Variants in UNC13C observed in about 807,000 individuals in gnomAD.
UNC13C encodes protein unc-13 homolog C.
In UNC13C, 174 loss-of-function variants were observed where a neutral mutation model predicts 245.4. The observed-to-expected ratio is 0.71, with a 90% CI of 0.63 to 0.80. UNC13C has a LOEUF of 0.80. Ranked by LOEUF, UNC13C falls within the 30% of genes least tolerant of loss-of-function variation. The pLI, the probability that UNC13C is intolerant of heterozygous loss-of-function variation, is 0.00. For synonymous variants in UNC13C, 992 were observed against 895.1 expected (o/e 1.11, Z -1.93); for missense variants, 2,829 against 2,602.9 (o/e 1.09, Z -1.89).
chr15:53,884,755 C>T, the UNC13C span, among the ~76,000 whole-genome samples: 1 of 152,118 alleles, frequency 6.6e-6, no homozygotes. Flanking sequence ...CTTGGACTTA[C>T]TCTTTTGGAA....
Position 54,333,797 on chromosome 15 carries a change from C to T in UNC13C, c.4525C>T (p.Leu1509=). Residue 1509 remains leucine, a synonymous_variant, in exon 16 of 33, where the codon CTG becomes TTG. Coordinates refer to ENST00000260323, the MANE Select transcript of UNC13C (RefSeq NM_001080534.3). ...ENFPASNTER[L]QDLKSTVDLL... is the part of the protein sequence containing the mutation. ...CTTTCCTGCAAGCAATACTGAAAGA[C>T]TGCAAGACCTGAAATCAACTGTTGA... 6.2e-7 allele frequency: 1 copy of T among 1,606,644 alleles called. No individual in the cohort carries two copies. Among genetic ancestry groups the T allele is most frequent in the Non-Finnish European group, 8.5e-7 (1 of 1,176,076 alleles).
downstream of UNC13C, chr15:54,633,242 T>A (rs1596722316): frequency 6.6e-6 from 1 of 152,220 alleles, no homozygotes; most frequent in East Asian, 1.9e-4. Flanking sequence ...AAACAACCGA[T>A]GTCTTAACAA....
At chr15:54,610,504 A>G (rs1900028817) in intron 30 of UNC13C, among the ~76,000 whole-genome samples, 1 of 152,088 alleles carries the variant, frequency 6.6e-6, no homozygotes, top group Non-Finnish European at 1.5e-5. Context: ...TGTTAGTCAT[A>G]TGTGTCTTTG....
chr15:54,552,111 G>A (rs1456225151), intron 28 of UNC13C, among the ~76,000 whole-genome samples: 3 of 149,630 alleles, frequency 2.0e-5, no homozygotes, highest in African/African-American at 4.9e-5. Context: ...GAAACAATGT[G>A]GGGAACTAAT....
At chr15:54,507,036 G>A in intron 22 of UNC13C, 81 bp from the exon 23 acceptor site, 1 of 882,492 alleles carries the variant, frequency 1.1e-6, no homozygotes, top group Non-Finnish European at 1.7e-6. Flanking sequence ...ACAGCAAGAA[G>A]TTAACTTAGG....
In UNC13C at chr15:54,500,912, A is replaced by C; in HGVS notation, c.5235A>C (p.Glu1745Asp). Residue 1745 changes from glutamate to aspartate, a missense_variant, in exon 22 of 33, where the codon GAA (glutamate) becomes GAC (aspartate). Transcript: ENST00000260323. The stretch of plus-strand genomic sequence containing the variant: ...TTGCTCAGCTGAATCAGAGCTTTGA[A>C]ATTATTAAGAAACTGGAATGCCCTA... ...DVFAQLNQSF[E>D]IIKKLECPNP... is the part of the protein sequence containing the mutation. 1.9e-6 allele frequency: 3 copies of C among 1,613,080 alleles called. No individual in the cohort carries two copies. Among genetic ancestry groups the C allele is most frequent in the Non-Finnish European group, 2.5e-6 (3 of 1,179,316 alleles).
At position 54,181,444 on chromosome 15, in the gene UNC13C, C is replaced by T. The variant is rs34650653; in HGVS notation, c.3071+37760C>T. Among the ~76,000 whole-genome samples the T allele has an allele frequency of 1.1e-4, 16 of 151,668 alleles. No individual in the cohort carries two copies. The East Asian group carries it at 3.1e-3, about 29-fold the overall frequency. ...AAGGCAGGTAGTATAATGGCTGTGG[C>T]TCTGTTTTTTGTTTGTTTGTTTTGT... On this transcript the variant is annotated intron_variant, in intron 4 of 32. Transcript: ENST00000260323.
At chr15:54,186,209 T>A (rs2033977775) in intron 4 of UNC13C, among the ~76,000 whole-genome samples, 2 of 152,158 alleles carry the variant, frequency 1.3e-5, no homozygotes, top group African/African-American at 2.4e-5. Context: ...AATCATGTCA[T>A]CTGCAAACAG....
At chr15:53,877,596 TA>T in the UNC13C span, among the ~76,000 whole-genome samples, 2 of 150,210 alleles carry the variant, frequency 1.3e-5, no homozygotes, top group African/African-American at 4.9e-5. Context: ...AGAAGGAGAA[TA>T]GGGAGGAGGA....
intron 4 of UNC13C, among the ~76,000 whole-genome samples, chr15:54,179,501 T>C (rs2033726481): frequency 6.6e-6 from 1 of 152,130 alleles, no homozygotes; most frequent in Admixed American, 6.6e-5. Context: ...TAAGTCCTTA[T>C]TGGATGGGTT....
chr15:54,148,834 C>G (rs1217372576), intron 4 of UNC13C, among the ~76,000 whole-genome samples: 2 of 152,188 alleles, frequency 1.3e-5, no homozygotes. Flanking sequence ...CGGCACCATC[C>G]TTGCATGCTC....
intron 17 of UNC13C, among the ~76,000 whole-genome samples, chr15:54,364,249 C>T (rs1448963786): frequency 6.6e-6 from 1 of 151,606 alleles, no homozygotes; most frequent in Non-Finnish European, 1.5e-5. Flanking sequence ...ATAGCTGGAC[C>T]CAAGTGAATT....
chr15:54,391,046 G>A (rs2039945082), intron 17 of UNC13C, among the ~76,000 whole-genome samples: 1 of 152,108 alleles, frequency 6.6e-6, no homozygotes, highest in Non-Finnish European at 1.5e-5. Context: ...AGTACAATTT[G>A]CGACAGGTAA....
chr15:54,226,702 G>T (rs150217575), intron 4 of UNC13C, among the ~76,000 whole-genome samples: 2 of 152,298 alleles, frequency 1.3e-5, no homozygotes, highest in African/African-American at 4.8e-5. Context: ...GAGGCTGGCC[G>T]CTGAGGCAGG....
chr15:54,362,736 G>A (rs181449376), intron 17 of UNC13C, among the ~76,000 whole-genome samples: 104 of 152,150 alleles, frequency 6.8e-4, no homozygotes, highest in Middle Eastern at 3.4e-3. Flanking sequence ...TCTAATGATC[G>A]AAAATCACTC....
At chr15:54,266,940 C>T (rs937127260) in intron 10 of UNC13C, among the ~76,000 whole-genome samples, 34 of 151,978 alleles carry the variant, frequency 2.2e-4, no homozygotes, top group Admixed American at 2.0e-3. Flanking sequence ...ATTCATTCAA[C>T]GTAATTATTT....
intron 2 of UNC13C, among the ~76,000 whole-genome samples, chr15:54,066,452 G>T (rs566232208): frequency 3.1e-4 from 47 of 152,272 alleles, no homozygotes; most frequent in Admixed American, 2.5e-3. Flanking sequence ...TGTTTTTTCA[G>T]ACTTGGAAAT....
chr15:54,042,925 T>C (rs1896875124), intron 2 of UNC13C, among the ~76,000 whole-genome samples: 1 of 152,074 alleles, frequency 6.6e-6, no homozygotes. Flanking sequence ...GCATCAATGT[T>C]ACGAAAGTAC....
At chr15:54,514,744 G>C (rs1472271219) in intron 24 of UNC13C, among the ~76,000 whole-genome samples, 1 of 152,104 alleles carries the variant, frequency 6.6e-6, no homozygotes, top group Non-Finnish European at 1.5e-5. Context: ...GAAATAAAAA[G>C]AGTGTTTAAA....
Sources: gnomAD v4.1 joint callset for allele counts (sites outside exome capture counted in the v4.1 genomes callset) on GRCh38, gnomAD v4.1.1 for gene constraint, MANE v1.5 for transcripts, NCBI Gene and HGNC (gene_info 2026-07-23, HGNC 2026-07-21) for gene names.